The following SGCZ variants were observed in gnomAD, a reference collection of about 807,000 sequenced individuals.
SGCZ encodes the protein zeta-sarcoglycan.
SGCZ carries 40 observed loss-of-function variants against 41.3 expected under a neutral mutation model. That is an observed-to-expected ratio of 0.97 (90% CI 0.75 to 1.26). SGCZ has a LOEUF of 1.26. SGCZ is among the 50% of genes most tolerant of loss of function. The pLI is 0.00. For missense variants in SGCZ, 552 were observed against 369.8 expected, an observed-to-expected ratio of 1.49 and a Z score of -4.04; for synonymous variants, 206 against 137.5, an observed-to-expected ratio of 1.50 and a Z score of -3.49.
chr8:14,566,317 G>C (rs187873971), intron 1 of SGCZ, among the ~76,000 whole-genome samples: 1 of 152,202 alleles, frequency 6.6e-6, no homozygotes, highest in Non-Finnish European at 1.5e-5. Context: ...AAATGGGAAG[G>C]AGTACAGCAT....
intron 2 of SGCZ, among the ~76,000 whole-genome samples, chr8:14,481,522 CAATTT>C (rs1801534411): frequency 6.6e-6 from 1 of 152,128 alleles, no homozygotes; most frequent in African/African-American, 2.4e-5. Flanking sequence ...ACATTTTGTG[CAATTT>C]AATTCCTTTA....
intron 1 of SGCZ, among the ~76,000 whole-genome samples, chr8:14,582,572 CA>C (rs1157266515): frequency 6.6e-6 from 1 of 151,238 alleles, no homozygotes; most frequent in African/African-American, 2.4e-5. Context: ...AGGTTAGTTA[CA>C]TATGTATACA....
intron 1 of SGCZ, among the ~76,000 whole-genome samples, chr8:15,195,245 C>T (rs989769799): frequency 6.6e-6 from 1 of 152,052 alleles, no homozygotes; most frequent in Non-Finnish European, 1.5e-5. Flanking sequence ...TGTAGAAATC[C>T]TTTACTGGGA....
intron 1 of SGCZ, among the ~76,000 whole-genome samples, chr8:14,748,273 A>G (rs1453954251): frequency 6.6e-6 from 1 of 152,184 alleles, no homozygotes; most frequent in Admixed American, 6.5e-5. Context: ...ATTTACAGTG[A>G]AAGAATTCAG....
intron 1 of SGCZ, among the ~76,000 whole-genome samples, chr8:15,018,888 G>A (rs765077790): frequency 6.6e-6 from 1 of 152,176 alleles, no homozygotes. Flanking sequence ...GGTGGAAGGC[G>A]GAGAGGAAGA....
chr8:14,912,887 T>G (rs1014421519), intron 1 of SGCZ, among the ~76,000 whole-genome samples: 3 of 152,074 alleles, frequency 2.0e-5, no homozygotes, highest in Admixed American at 6.6e-5. Context: ...TGCTTCCAAT[T>G]CTTAACTGGA....
rs987905998 is a variant in SGCZ at position 14,708,926 on chromosome 8, A to G, written c.40-154000T>C. On this transcript the variant is annotated intron_variant, in intron 1 of 7. Coordinates refer to ENST00000382080, the MANE Select transcript of SGCZ (RefSeq NM_139167.4). The stretch of plus-strand genomic sequence containing the variant: ...GGACCTTAAAACTGCTTACATGAGA[A>G]TGTGTTAGACAAGTTTCTAAGAAAA... Among the ~76,000 whole-genome samples, 3 of 152,022 alleles carry G rather than the reference A, an allele frequency of 2.0e-5. No homozygotes were observed. In the East Asian group the frequency reaches 5.8e-4, roughly 30 times the overall value.
intron 2 of SGCZ, among the ~76,000 whole-genome samples, chr8:14,399,766 A>G (rs1215654363): frequency 6.6e-6 from 1 of 152,172 alleles, no homozygotes; most frequent in East Asian, 1.9e-4. Flanking sequence ...ACATTTTCTA[A>G]AATAAGCCTT....
chr8:14,858,089 A>T (rs1803602690), intron 1 of SGCZ, among the ~76,000 whole-genome samples: 2 of 152,136 alleles, frequency 1.3e-5, no homozygotes, highest in African/African-American at 4.8e-5. Flanking sequence ...AACCTTATTA[A>T]CTGATCTCCT....
rs1414516196 is a variant in SGCZ, at chr8:14,793,779, T to C, written c.40-238853A>G. ...CCTACCCTGCCCAGGCCACTGGTTG[T>C]CTACTTCTCTTTCACCTTGGCAGAA... is the stretch of plus-strand genomic sequence containing the variant. On this transcript the variant is annotated intron_variant, in intron 1 of 7. Coordinates refer to ENST00000382080, the MANE Select transcript of SGCZ (RefSeq NM_139167.4). Among the ~76,000 whole-genome samples the C allele has an allele frequency of 8.5e-5, 13 of 152,278 alleles. No individual in the cohort carries two copies. In the East Asian group the frequency reaches 2.5e-3, roughly 29 times the overall value.
intron 1 of SGCZ, among the ~76,000 whole-genome samples, chr8:14,694,961 A>C (rs976918611): frequency 6.6e-6 from 1 of 152,132 alleles, no homozygotes; most frequent in Admixed American, 6.5e-5. Context: ...GATCTCAAAA[A>C]TTTACCTTTC....
chr8:14,411,288 C>A (rs1313955336), intron 2 of SGCZ, among the ~76,000 whole-genome samples: 2 of 151,948 alleles, frequency 1.3e-5, no homozygotes, highest in East Asian at 3.8e-4. Context: ...TTAACAAAAA[C>A]AAAAAACGTA....
chr8:14,688,039 GTTGT>G (rs1273601748), intron 1 of SGCZ, among the ~76,000 whole-genome samples: 14 of 152,086 alleles, frequency 9.2e-5, no homozygotes, highest in Admixed American at 7.2e-4. Context: ...TTTTGATGGG[GTTGT>G]TTGTTTTTTC....
intron 1 of SGCZ, among the ~76,000 whole-genome samples, chr8:15,051,039 T>G (rs1804494702): frequency 6.6e-6 from 1 of 152,284 alleles, no homozygotes. Flanking sequence ...GTTAAGAGGT[T>G]CTCATCTTGG....
chr8:14,319,553 A>G (rs1396587188), intron 3 of SGCZ: 1 of 152,062 alleles, frequency 6.6e-6, no homozygotes, highest in Non-Finnish European at 1.5e-5. Flanking sequence ...ACTAGCAAAC[A>G]AAACTAATTA....
At chr8:14,830,959 A>T (rs1472352798) in intron 1 of SGCZ, among the ~76,000 whole-genome samples, 1 of 152,230 alleles carries the variant, frequency 6.6e-6, no homozygotes, top group Non-Finnish European at 1.5e-5. Flanking sequence ...TAATTTAGGA[A>T]GTGGAAGTGT....
intron 7 of SGCZ, among the ~76,000 whole-genome samples, chr8:14,094,598 G>A (rs896975432): frequency 2.6e-5 from 4 of 152,108 alleles, no homozygotes; most frequent in South Asian, 2.1e-4. Flanking sequence ...GTAAACATAC[G>A]TGTGCATGTA....
intron 1 of SGCZ, among the ~76,000 whole-genome samples, chr8:14,592,129 C>T (rs1346494526): frequency 6.6e-6 from 1 of 152,062 alleles, no homozygotes; most frequent in Non-Finnish European, 1.5e-5. Context: ...GTCTGTTTTG[C>T]TAAGTTTCCT....
intron 2 of SGCZ, among the ~76,000 whole-genome samples, chr8:14,358,106 A>G (rs1803361590): frequency 6.6e-6 from 1 of 152,160 alleles, no homozygotes; most frequent in Admixed American, 6.5e-5. Flanking sequence ...TAAGCTCCAT[A>G]AAAGCACCCC....
Sources: gnomAD v4.1 joint callset for allele counts (sites outside exome capture counted in the v4.1 genomes callset) on GRCh38, gnomAD v4.1.1 for gene constraint, MANE v1.5 for transcripts, NCBI Gene and HGNC (gene_info 2026-07-23, HGNC 2026-07-21) for gene names.